The following LRRN3 variants were observed in gnomAD, a reference collection of about 807,000 sequenced individuals.
The protein encoded by LRRN3 is leucine rich repeat neuronal 3.
LRRN3 carries 15 observed loss-of-function variants against 40.1 expected under a neutral mutation model. The ratio of observed to expected loss-of-function variants is 0.37; its 90% CI spans 0.25 to 0.58. The LOEUF is 0.58. Ranked by LOEUF, LRRN3 falls within the 20% of genes least tolerant of loss-of-function variation. LRRN3 has a pLI of 0.72. For synonymous variants in LRRN3, 308 were observed against 297.2 expected, an observed-to-expected ratio of 1.04 and a Z score of -0.37; for missense variants, 746 against 837.7, an observed-to-expected ratio of 0.89 and a Z score of 1.35.
At chr7:111,102,103 G>C (rs1294945819) in intron 2 of LRRN3, among the ~76,000 whole-genome samples, 3 of 151,028 alleles carry the variant, frequency 2.0e-5, no homozygotes, top group Non-Finnish European at 3.0e-5. Context: ...AAATGAGTCA[G>C]AATATAACAA....
At chr7:111,109,585 AGAG>A (rs1165265167) in intron 2 of LRRN3, among the ~76,000 whole-genome samples, 7 of 152,190 alleles carry the variant, frequency 4.6e-5, no homozygotes, top group African/African-American at 1.7e-4. Flanking sequence ...GACCTGGAAT[AGAG>A]TTCAGGAGCC....
chr7:111,105,322 T>C (rs1352298386), intron 2 of LRRN3, among the ~76,000 whole-genome samples: 2 of 151,918 alleles, frequency 1.3e-5, no homozygotes, highest in African/African-American at 2.4e-5. Context: ...GTTAACATCA[T>C]GTATAAAACT....
At chr7:111,095,641 A>G (rs971829034) in intron 1 of LRRN3, among the ~76,000 whole-genome samples, 1 of 151,984 alleles carries the variant, frequency 6.6e-6, no homozygotes, top group African/African-American at 2.4e-5. Context: ...AAAACATGTT[A>G]ATAATAATAC....
chr7:111,123,543 A>T lies in LRRN3; in HGVS notation c.771A>T (p.Gln257His). ...RLIKVPHVAL[Q>H]KVVNLKFLDL... ...TTAAAGTACCCCATGTTGCTCTTCAAAAAGTTGTAAATCTCAAATTTTTGG... is the reference window on the plus strand; with the variant it reads ...TTAAAGTACCCCATGTTGCTCTTCATAAAGTTGTAAATCTCAAATTTTTGG... Residue 257 changes from glutamine to histidine, a missense_variant, in exon 3 of 3, where the codon CAA becomes CAT. Transcript: ENST00000308478. This position sits in a 1 kb window ranked among gnomAD's most constrained non-coding sequence, Gnocchi z 6.4. 1 of 1,613,894 alleles carries T rather than the reference A, an allele frequency of 6.2e-7. No homozygotes were observed.
At chr7:111,099,629 A>T (rs555902561) in intron 1 of LRRN3, among the ~76,000 whole-genome samples, 3 of 151,798 alleles carry the variant, frequency 2.0e-5, no homozygotes, top group African/African-American at 7.2e-5. Flanking sequence ...GTTGCTGAGG[A>T]TTCCTCCAGT....
Position 111,091,470 on chromosome 7 carries a change from T to C in LRRN3, c.-475T>C, listed in dbSNP as rs1450569690. 6.6e-6 allele frequency: 1 copy of C among 152,182 alleles called. No individual in the cohort carries two copies. The highest frequency in any genetic ancestry group is 2.4e-5 in the African/African-American group (1 of 41,436). The allele number at this position is 152,182 out of a possible 1,614,324, so 9.4% of individuals were successfully genotyped here. On this transcript the variant is annotated 5_prime_UTR_variant, in exon 1 of 3. Transcript: ENST00000308478. ...CTGAGGAATCCAGCACGCAAGGACA[T>C]CGGAGGTGGGCTAGCACTGAAACTG... is the stretch of plus-strand genomic sequence containing the variant.
At chr7:111,109,633 C>G (rs1443224673) in intron 2 of LRRN3, among the ~76,000 whole-genome samples, 1 of 152,170 alleles carries the variant, frequency 6.6e-6, no homozygotes, top group East Asian at 1.9e-4. Context: ...TTCACCACCT[C>G]ATGAAATCTC....
intron 2 of LRRN3, among the ~76,000 whole-genome samples, chr7:111,107,451 G>A (rs1330202467): frequency 6.6e-6 from 1 of 151,928 alleles, no homozygotes; most frequent in Admixed American, 6.6e-5. Flanking sequence ...AGAAATTCTG[G>A]ATAGTTCTTT....
At chr7:111,099,404 C>G (rs931036279) in intron 1 of LRRN3, among the ~76,000 whole-genome samples, 3 of 151,734 alleles carry the variant, frequency 2.0e-5, no homozygotes, top group Admixed American at 6.6e-5. Flanking sequence ...GAATAAGCTG[C>G]TAGCCCTGCA....
chr7:111,105,785 AAGAAAT>A (rs1306122890), intron 2 of LRRN3, among the ~76,000 whole-genome samples: 1 of 151,920 alleles, frequency 6.6e-6, no homozygotes, highest in Non-Finnish European at 1.5e-5. Context: ...AAAAATATAA[AAGAAAT>A]AGATAGAGAT....
In LRRN3 at chr7:111,091,446, T is replaced by C. The variant is rs1796853208; in HGVS notation, c.-499T>C. The stretch of plus-strand genomic sequence containing the variant: ...CATGTGATTATCTCAACCAAGGAAC[T>C]GAGGAATCCAGCACGCAAGGACATC... On this transcript the variant is annotated 5_prime_UTR_variant, in exon 1 of 3. Coordinates refer to ENST00000308478, the MANE Select transcript of LRRN3 (RefSeq NM_001099658.2). 6.6e-6 allele frequency: 1 copy of C among 152,154 alleles called. No individual in the cohort carries two copies. Among genetic ancestry groups the C allele is most frequent in the Non-Finnish European group, 1.5e-5 (1 of 68,022 alleles). 9.4% of individuals were successfully genotyped at this position (152,154 alleles called of 1,614,324 possible). A position where few individuals can be genotyped will look rare whatever the true frequency, so the allele number is the denominator to read the frequency against.
chr7:111,104,306 A>G (rs1429706729), intron 2 of LRRN3, among the ~76,000 whole-genome samples: 1 of 151,738 alleles, frequency 6.6e-6, no homozygotes, highest in Non-Finnish European at 1.5e-5. Context: ...TTTCCTGTAA[A>G]TGTTTACTTC....
At position 111,124,335 on chromosome 7, in the gene LRRN3, C is replaced by T; in HGVS notation, c.1563C>T (p.Asn521=). ...IKVDGSFPQD[N]NGSLNIKIRD... ...TGGATGGATCTTTTCCACAAGATAA[C>T]AATGGCTCTTTGAATATTAAAATAA... Residue 521 remains asparagine, a synonymous_variant, in exon 3 of 3, where the codon AAC becomes AAT. Transcript: ENST00000308478. 6.2e-7 allele frequency: 1 copy of T among 1,613,704 alleles called. No individual in the cohort carries two copies. Among genetic ancestry groups the T allele is most frequent in the Non-Finnish European group, 8.5e-7 (1 of 1,179,890 alleles).
chr7:111,104,491 A>G (rs562275347), intron 2 of LRRN3, among the ~76,000 whole-genome samples: 3 of 151,928 alleles, frequency 2.0e-5, no homozygotes, highest in East Asian at 1.9e-4. Context: ...CATCACTTCT[A>G]TTGAAGCTGA....
In LRRN3 at chr7:111,122,705, A is replaced by T. The variant is rs1800796277; in HGVS notation, c.-68A>T. The stretch of plus-strand genomic sequence containing the variant: ...GCATCTTCCTTATCAATCAGCTCCT[A>T]TTGAACTTACTAGCACTGACTGTGG... On this transcript the variant is annotated 5_prime_UTR_variant, in exon 3 of 3. Coordinates refer to ENST00000308478, the MANE Select transcript of LRRN3 (RefSeq NM_001099658.2). 8.1e-7 allele frequency: 1 copy of T among 1,228,810 alleles called. No individual in the cohort carries two copies. Among genetic ancestry groups the T allele is most frequent in the Admixed American group, 2.2e-5 (1 of 45,608 alleles). The allele number at this position is 1,228,810 out of a possible 1,614,324, so 76.1% of individuals were successfully genotyped here. A position where few individuals can be genotyped will look rare whatever the true frequency, so the allele number is the denominator to read the frequency against.
At chr7:111,117,621 T>C (rs1047517368) in intron 2 of LRRN3, among the ~76,000 whole-genome samples, 1 of 152,084 alleles carries the variant, frequency 6.6e-6, no homozygotes, top group Non-Finnish European at 1.5e-5. Flanking sequence ...TTTACAAGGA[T>C]GCATTTAGTA....
At chr7:111,099,392 ATGAATAAGC>A (rs1797734955) in intron 1 of LRRN3, among the ~76,000 whole-genome samples, 1 of 151,750 alleles carries the variant, frequency 6.6e-6, no homozygotes. Context: ...CTTCTTCAGT[ATGAATAAGC>A]TGCTAGCCCT....
chr7:111,094,872 C>T lies in LRRN3; in HGVS notation c.-441+3368C>T, dbSNP rs778195398. ...AAAAAGGAACAGGGATAAATCGGAACGTTTTTCTAACTTGTTGAAAGGAAT... is the reference window on the plus strand; with the variant it reads ...AAAAAGGAACAGGGATAAATCGGAATGTTTTTCTAACTTGTTGAAAGGAAT... On this transcript the variant is annotated intron_variant, in intron 1 of 2. Coordinates refer to ENST00000308478, the MANE Select transcript of LRRN3 (RefSeq NM_001099658.2). Among the ~76,000 whole-genome samples, 119 of 152,104 alleles carry T rather than the reference C, an allele frequency of 7.8e-4. 2 individuals carry two copies. Among genetic ancestry groups the T allele is most frequent in the Non-Finnish European group, 2.1e-4 (14 of 67,948 alleles).
intron 1 of LRRN3, among the ~76,000 whole-genome samples, chr7:111,099,605 A>ATTAAAGCAAAAATGTTGC (rs1797753669): frequency 6.6e-6 from 1 of 151,744 alleles, no homozygotes; most frequent in Non-Finnish European, 1.5e-5. Context: ...TGAATGTAAA[A>ATTAAAGCAAAAATGTTGC]TTAAAGCAAA....
Sources: gnomAD v4.1 joint callset for allele counts (sites outside exome capture counted in the v4.1 genomes callset) on GRCh38, gnomAD v4.1.1 for gene constraint, Gnocchi (gnomAD v3.1) non-coding constraint, MANE v1.5 for transcripts, NCBI Gene and HGNC (gene_info 2026-07-23, HGNC 2026-07-21) for gene names.